PLCG2: variants seen among roughly 807,000 people sequenced by gnomAD.
PLCG2 encodes phospholipase C gamma 2.
Under a neutral mutation model 175.6 loss-of-function variants are expected in PLCG2, and 69 were observed. The ratio of observed to expected loss-of-function variants is 0.39; its 90% CI spans 0.32 to 0.48. PLCG2 has a LOEUF of 0.48. PLCG2 is among the 20% of genes least tolerant of loss of function. The pLI, the probability that PLCG2 is intolerant of heterozygous loss-of-function variation, is 0.91. For synonymous variants in PLCG2, 827 were observed against 624.0 expected (o/e 1.33, Z -4.85); for missense variants, 1,798 against 1,650.9 (o/e 1.09, Z -1.54).
Position 81,802,828 on chromosome 16 carries a change from C to T in PLCG2, c.193+16646C>T, listed in dbSNP as rs556998705. Among the ~76,000 whole-genome samples, 110 of 152,274 alleles carry T rather than the reference C, an allele frequency of 7.2e-4. No homozygotes were observed. The South Asian group carries it at 8.5e-3, about 12-fold the overall frequency. On this transcript the variant is annotated intron_variant, in intron 2 of 32. Transcript: ENST00000564138. ...TCAGGTGATCCACCCACCTCAGCCT[C>T]CCAAAGTGCAAAAGAAATTAATACT...
chr16:81,896,971 AAATTGTTC>A (rs1432009701), intron 13 of PLCG2, among the ~76,000 whole-genome samples: 1 of 152,184 alleles, frequency 6.6e-6, no homozygotes, highest in East Asian at 1.9e-4. Context: ...GAGGTCAACG[AAATTGTTC>A]TATAAAGAGC....
chr16:81,883,976 G>T (rs1908222135), intron 9 of PLCG2, among the ~76,000 whole-genome samples: 1 of 152,222 alleles, frequency 6.6e-6, no homozygotes, highest in Non-Finnish European at 1.5e-5. Context: ...GGAGGCTGCT[G>T]CCGGCATCTA....
At chr16:81,944,056 T>G (rs928639817) in intron 30 of PLCG2, among the ~76,000 whole-genome samples, 1 of 152,198 alleles carries the variant, frequency 6.6e-6, no homozygotes, top group African/African-American at 2.4e-5. Context: ...CATCCAGCCA[T>G]TAAAAAATAT....
At chr16:81,844,894 C>A (rs1280772815) in intron 2 of PLCG2, among the ~76,000 whole-genome samples, 1 of 152,170 alleles carries the variant, frequency 6.6e-6, no homozygotes, top group East Asian at 1.9e-4. Context: ...AAGGATCTGC[C>A]TCCTTAATGT....
At chr16:81,759,188 G>T (rs920598475) in intron 2 of PLCG2, among the ~76,000 whole-genome samples, 4 of 152,090 alleles carry the variant, frequency 2.6e-5, no homozygotes, top group African/African-American at 9.7e-5. Flanking sequence ...ATAGATTCTA[G>T]ATACTAGTCC....
At chr16:81,832,519 A>G (rs1373273973) in intron 2 of PLCG2, among the ~76,000 whole-genome samples, 1 of 152,098 alleles carries the variant, frequency 6.6e-6, no homozygotes, top group African/African-American at 2.4e-5. Context: ...CCTCCCAGGT[A>G]GCTGGGACTA....
chr16:81,905,311 C>G, intron 14 of PLCG2, 92 bp from the exon 15 acceptor site: 1 of 817,510 alleles, frequency 1.2e-6, no homozygotes, highest in Non-Finnish European at 2.1e-6. Context: ...GTGCAAAGGC[C>G]CTGCCTGGGA....
chr16:81,847,457 C>G (rs1023176588), intron 2 of PLCG2, among the ~76,000 whole-genome samples: 3 of 152,102 alleles, frequency 2.0e-5, no homozygotes, highest in Non-Finnish European at 2.9e-5. Flanking sequence ...AGTTCCAACC[C>G]TCTAATCACA....
chr16:81,953,993 G>T (rs1911467573), intron 31 of PLCG2, among the ~76,000 whole-genome samples: 1 of 152,108 alleles, frequency 6.6e-6, no homozygotes, highest in Non-Finnish European at 1.5e-5. Flanking sequence ...GACCTTTCAT[G>T]GTATAGTATT....
chr16:81,869,086 G>C (rs1227437399), intron 5 of PLCG2, 128 bp from the exon 6 acceptor site: 1 of 698,520 alleles, frequency 1.4e-6, no homozygotes, highest in Non-Finnish European at 2.6e-6. Context: ...CCAGTTAGTG[G>C]TCCATAAATA....
intron 2 of PLCG2, among the ~76,000 whole-genome samples, chr16:81,847,371 T>C (rs985950057): frequency 6.6e-5 from 10 of 152,196 alleles, no homozygotes; most frequent in Non-Finnish European, 1.5e-4. Flanking sequence ...GCATGATTGA[T>C]TAAATCATTG....
intron 2 of PLCG2, among the ~76,000 whole-genome samples, chr16:81,765,966 C>G (rs1393954711): frequency 6.6e-6 from 1 of 152,226 alleles, no homozygotes; most frequent in African/African-American, 2.4e-5. Context: ...CAGGCATTTG[C>G]TGTGAGTCAC....
intron 2 of PLCG2, among the ~76,000 whole-genome samples, chr16:81,811,503 G>C (rs9806968): frequency 6.6e-6 from 1 of 151,624 alleles, no homozygotes; most frequent in Admixed American, 6.6e-5. Context: ...ATTTCTCCTA[G>C]TGCTATCCCT....
intron 1 of PLCG2, among the ~76,000 whole-genome samples, chr16:81,780,925 G>A (rs112041150): frequency 0.017 from 2,540 of 152,222 alleles, 70 homozygotes; most frequent in African/African-American, 0.057. Flanking sequence ...TACCCAGGAG[G>A]CTGAGGCAGG....
chr16:81,792,480 C>A (rs1171796168), intron 2 of PLCG2, among the ~76,000 whole-genome samples: 3 of 70,160 alleles, frequency 4.3e-5, no homozygotes, highest in Admixed American at 1.9e-4. Flanking sequence ...GGCTCTGTCT[C>A]AAAAAAAAAA....
intron 25 of PLCG2, among the ~76,000 whole-genome samples, chr16:81,932,743 C>T (rs1055612083): frequency 6.6e-6 from 1 of 152,212 alleles, no homozygotes; most frequent in Non-Finnish European, 1.5e-5. Context: ...CATGGGTGCC[C>T]TCGCTGGTGG....
chr16:81,858,294 C>G lies in PLCG2; in HGVS notation c.369C>G (p.Leu123=), dbSNP rs1906785632. 3 of 1,613,950 alleles carry G rather than the reference C, an allele frequency of 1.9e-6. No individual in the cohort carries two copies. Among genetic ancestry groups the G allele is most frequent in the East Asian group, 2.2e-5 (1 of 44,886 alleles). Residue 123 remains leucine, a synonymous_variant, in exon 4 of 33, where the codon CTC becomes CTG. Transcript: ENST00000564138. ...ADSKEDAVNW[L]SGLKILHQEA... ...CTAAAGAGGATGCAGTTAACTGGCT[C>G]TCTGGCTTGAAAATCTTACACCAGG...
chr16:81,953,060 C>G (rs531632569), intron 31 of PLCG2, among the ~76,000 whole-genome samples: 1 of 152,166 alleles, frequency 6.6e-6, no homozygotes, highest in Non-Finnish European at 1.5e-5. Flanking sequence ...AAAACTGCAT[C>G]GCCTCAAACA....
intron 14 of PLCG2, among the ~76,000 whole-genome samples, chr16:81,904,761 G>A (rs1377206685): frequency 6.6e-6 from 1 of 152,228 alleles, no homozygotes; most frequent in African/African-American, 2.4e-5. Flanking sequence ...CCCTCATGGG[G>A]TTTATATTCT....
Sources: gnomAD v4.1 joint callset for allele counts (sites outside exome capture counted in the v4.1 genomes callset) on GRCh38, gnomAD v4.1.1 for gene constraint, MANE v1.5 for transcripts, NCBI Gene and HGNC (gene_info 2026-07-23, HGNC 2026-07-21) for gene names.